Variants in GPR19 observed in about 807,000 individuals in gnomAD.
GPR19 encodes probable G protein-coupled receptor 19.
Under a neutral mutation model 28.5 loss-of-function variants are expected in GPR19, and 14 were observed. The observed-to-expected ratio is 0.49, with a 90% CI of 0.32 to 0.77. The LOEUF (loss-of-function observed/expected upper bound fraction) is 0.77. GPR19 is among the 30% of genes least tolerant of loss of function. GPR19 has a pLI of 0.03. For synonymous variants in GPR19, 173 were observed against 184.1 expected, an observed-to-expected ratio of 0.94 and a Z score of 0.49; for missense variants, 409 against 504.1, an observed-to-expected ratio of 0.81 and a Z score of 1.81.
At chr12:12,713,929 T>C in the GPR19 span, among the ~76,000 whole-genome samples, 1 of 152,226 alleles carries the variant, frequency 6.6e-6, no homozygotes, top group African/African-American at 2.4e-5. Context: ...TGTTTCTCCA[T>C]AGCATTTTTC....
chr12:12,701,125 G>A (rs1013785601), upstream of GPR19, among the ~76,000 whole-genome samples: 18 of 152,114 alleles, frequency 1.2e-4, no homozygotes, highest in Admixed American at 6.5e-5. Flanking sequence ...AAATGGTTTT[G>A]CACCTTCATT....
chr12:12,676,874 G>T (rs752792288), intron 3 of GPR19, among the ~76,000 whole-genome samples: 1 of 152,230 alleles, frequency 6.6e-6, no homozygotes, highest in Non-Finnish European at 1.5e-5. Context: ...CATTGAGTTA[G>T]TGGGAACCAG....
the GPR19 span, chr12:12,703,516 T>C: frequency 1.5e-6 from 1 of 647,050 alleles, no homozygotes; most frequent in East Asian, 1.4e-4. Context: ...TAGAAGCCTA[T>C]GGCCCCTCGC....
intron 2 of GPR19, among the ~76,000 whole-genome samples, chr12:12,692,199 T>C (rs1255925718): frequency 6.6e-6 from 1 of 152,202 alleles, no homozygotes; most frequent in African/African-American, 2.4e-5. Flanking sequence ...CTTATCTCAA[T>C]GGGCACTTAC....
chr12:12,696,263 C>T (rs1565413001), upstream of GPR19: 1 of 151,646 alleles, frequency 6.6e-6, no homozygotes. Context: ...GGCGCTTCTC[C>T]TCAGGCAGAT....
chr12:12,717,071 C>G, the GPR19 span: 9 of 1,008,724 alleles, frequency 8.9e-6, no homozygotes, highest in Non-Finnish European at 1.1e-5. Context: ...GGGCCCCGAA[C>G]CTCAGGCCCC....
intron 3 of GPR19, among the ~76,000 whole-genome samples, chr12:12,665,628 G>T (rs112762315): frequency 0.031 from 4,715 of 152,086 alleles, 249 homozygotes; most frequent in African/African-American, 0.11. Flanking sequence ...CACAAGGTCA[G>T]GAGATCGAGA....
At chr12:12,696,383 C>T (rs1263143588), upstream of GPR19, among the ~76,000 whole-genome samples, 4 of 112,600 alleles carry the variant, frequency 3.6e-5, no homozygotes, top group Non-Finnish European at 6.7e-5. Flanking sequence ...TTTGCTGCCC[C>T]AGTGGATTAG....
At chr12:12,685,628 T>C (rs1315478973) in intron 2 of GPR19, among the ~76,000 whole-genome samples, 2 of 152,210 alleles carry the variant, frequency 1.3e-5, no homozygotes, top group African/African-American at 2.4e-5. Context: ...TAAACAGTAT[T>C]CTCAGAGCCA....
intron 2 of GPR19, among the ~76,000 whole-genome samples, 191 bp from the exon 3 acceptor site, chr12:12,684,698 A>G (rs1946069578): frequency 6.6e-6 from 1 of 152,134 alleles, no homozygotes; most frequent in South Asian, 2.1e-4. Context: ...TTTTCCTTTC[A>G]GGAGCAAAGC....
intron 2 of GPR19, among the ~76,000 whole-genome samples, chr12:12,686,851 T>A (rs1051795376): frequency 6.6e-6 from 1 of 152,236 alleles, no homozygotes; most frequent in Admixed American, 6.5e-5. Context: ...ATGACCAACA[T>A]ATTTATTCCT....
At chr12:12,698,701 C>T (rs1418070799), upstream of GPR19, among the ~76,000 whole-genome samples, 1 of 151,924 alleles carries the variant, frequency 6.6e-6, no homozygotes, top group Non-Finnish European at 1.5e-5. Context: ...ACCTCCACCT[C>T]CCGGGTTCAA....
intron 3 of GPR19, among the ~76,000 whole-genome samples, chr12:12,678,823 G>C (rs189250549): frequency 2.0e-5 from 3 of 152,170 alleles, no homozygotes; most frequent in Admixed American, 1.3e-4. Flanking sequence ...TTGAGACAGA[G>C]TCGCACTCTG....
Position 12,678,672 on chromosome 12 carries a change from G to T in GPR19, c.-23+5679C>A, listed in dbSNP as rs183302937. On this transcript the variant is annotated intron_variant, in intron 3 of 3. Coordinates refer to ENST00000651487, the MANE Select transcript of GPR19 (RefSeq NM_006143.3). ...ATTTGAAGATTTATTTCTCTCTTTGGATATAGAACAAAATAACTTTATGTA... is the reference window on the plus strand; with the variant it reads ...ATTTGAAGATTTATTTCTCTCTTTGTATATAGAACAAAATAACTTTATGTA... Among the ~76,000 whole-genome samples the T allele has an allele frequency of 4.6e-5, 7 of 152,170 alleles. No homozygotes were observed. The East Asian group carries it at 1.2e-3, about 25-fold the overall frequency.
At chr12:12,713,802 G>T in the GPR19 span, among the ~76,000 whole-genome samples, 2 of 152,184 alleles carry the variant, frequency 1.3e-5, no homozygotes, top group Non-Finnish European at 2.9e-5. Flanking sequence ...AAAGTGCTGG[G>T]ATTACAGGTG....
chr12:12,700,434 T>G (rs1946314551), upstream of GPR19, among the ~76,000 whole-genome samples: 1 of 152,150 alleles, frequency 6.6e-6, no homozygotes, highest in Non-Finnish European at 1.5e-5. Context: ...CTTCCCTTTA[T>G]TTCTTACTGC....
At chr12:12,700,872 T>C (rs1946318893), upstream of GPR19, among the ~76,000 whole-genome samples, 1 of 152,224 alleles carries the variant, frequency 6.6e-6, no homozygotes. Flanking sequence ...CATGTTGAAA[T>C]GTCACTTCAA....
chr12:12,677,610 A>G (rs957160193), intron 3 of GPR19, among the ~76,000 whole-genome samples: 40 of 152,020 alleles, frequency 2.6e-4, no homozygotes, highest in Non-Finnish European at 5.9e-5. Flanking sequence ...ATTAACATGT[A>G]TTTTTTCATG....
intron 3 of GPR19, among the ~76,000 whole-genome samples, chr12:12,663,914 T>C (rs769248172): frequency 2.6e-5 from 4 of 152,212 alleles, no homozygotes; most frequent in Non-Finnish European, 5.9e-5. Flanking sequence ...CTCCTGTGTC[T>C]GCACCTCACA....
Sources: allele counts gnomAD v4.1 joint callset (sites outside exome capture counted in the v4.1 genomes callset), GRCh38; gene constraint gnomAD v4.1.1; transcripts MANE v1.5; gene names NCBI Gene and HGNC (gene_info 2026-07-23, HGNC 2026-07-21).